ZNF331: variants seen among roughly 807,000 people sequenced by gnomAD.
The protein encoded by ZNF331 is zinc finger protein 331, also known as C2H2-like zinc finger protein rearranged in thyroid adenomas.
In ZNF331, 2 loss-of-function variants were observed where a neutral mutation model predicts 7.0. That is an observed-to-expected ratio of 0.29 (90% CI 0.12 to 0.90). The LOEUF (loss-of-function observed/expected upper bound fraction) is 0.90. Among genes scored for constraint, ZNF331 ranks in the 40% least tolerant of loss-of-function variants. The pLI, the probability that ZNF331 is intolerant of heterozygous loss-of-function variation, is 0.58. For missense variants in ZNF331, 432 were observed against 587.7 expected, an observed-to-expected ratio of 0.74 and a Z score of 2.74; for synonymous variants, 196 against 205.4, an observed-to-expected ratio of 0.95 and a Z score of 0.39.
intron 3 of ZNF331, among the ~76,000 whole-genome samples, chr19:53,563,131 A>C (rs1196678323): frequency 2.6e-5 from 3 of 115,530 alleles, no homozygotes; most frequent in African/African-American, 1.1e-4. Flanking sequence ...TATGTCATCC[A>C]GGCTGGAGTG....
At chr19:53,514,390 G>A in the ZNF331 span, among the ~76,000 whole-genome samples, 2 of 151,672 alleles carry the variant, frequency 1.3e-5, no homozygotes, top group African/African-American at 2.4e-5. Context: ...TAGTAGAGAC[G>A]GGGTTTCACC....
rs1241624988 is a variant in ZNF331, at chr19:53,539,521, A to G, written c.-138+239A>G. 1 of 152,190 alleles carries G rather than the reference A, an allele frequency of 6.6e-6. No individual in the cohort carries two copies. The highest frequency in any genetic ancestry group is 1.5e-5 in the Non-Finnish European group (1 of 68,030). 9.4% of individuals were successfully genotyped at this position (152,190 alleles called of 1,614,324 possible). On this transcript the variant is annotated intron_variant, in intron 2 of 5. Transcript: ENST00000449416. The surrounding 1 kb of genome is among the most constrained non-coding windows in gnomAD (Gnocchi z 6.1). ...TTTTGTGCTAAGTCTGGATGTCTGT[A>G]CATCAGGAGCAACGTACATATGAAG...
chr19:53,540,711 C>A (rs1322208392), intron 2 of ZNF331, among the ~76,000 whole-genome samples: 1 of 151,964 alleles, frequency 6.6e-6, no homozygotes, highest in Non-Finnish European at 1.5e-5. Context: ...TGCGGGATTA[C>A]AGGTGTGAGC....
chr19:53,552,154 G>A (rs2089052532), intron 2 of ZNF331, among the ~76,000 whole-genome samples: 1 of 152,076 alleles, frequency 6.6e-6, no homozygotes, highest in African/African-American at 2.4e-5. Context: ...TATAACACAT[G>A]GAACACATGA....
At chr19:53,518,491 C>T (rs12984958), upstream of ZNF331, among the ~76,000 whole-genome samples, 2 of 151,980 alleles carry the variant, frequency 1.3e-5, no homozygotes, top group African/African-American at 2.4e-5. Flanking sequence ...AGACATATAT[C>T]CTATTAGTTC....
Position 53,539,927 on chromosome 19 carries a change from C to T in ZNF331, c.-138+645C>T, listed in dbSNP as rs1017233405. On this transcript the variant is annotated intron_variant, in intron 2 of 5. Coordinates refer to ENST00000449416, the MANE Select transcript of ZNF331 (RefSeq NM_001079906.2). The surrounding 1 kb of genome is among the most constrained non-coding windows in gnomAD (Gnocchi z 6.1). ...TACAAAGAAGTAAGTTTAGTTATAACCGTAAGAAAGAAAAATGCACCTGAC... is the reference window on the plus strand; with the variant it reads ...TACAAAGAAGTAAGTTTAGTTATAATCGTAAGAAAGAAAAATGCACCTGAC... 6.6e-6 allele frequency among the ~76,000 whole-genome samples: 1 copy of T among 152,064 alleles called. No individual in the cohort carries two copies. Among genetic ancestry groups the T allele is most frequent in the African/African-American group, 2.4e-5 (1 of 41,388 alleles).
chr19:53,548,080 C>A (rs1161638084), intron 2 of ZNF331, among the ~76,000 whole-genome samples: 1 of 152,006 alleles, frequency 6.6e-6, no homozygotes, highest in African/African-American at 2.4e-5. Flanking sequence ...CAGGCACATG[C>A]CATCATGCCC....
At chr19:53,531,293 C>T (rs1001993710) in intron 2 of ZNF331, among the ~76,000 whole-genome samples, 3 of 152,150 alleles carry the variant, frequency 2.0e-5, no homozygotes, top group Admixed American at 6.5e-5. Context: ...CAACTTATCC[C>T]GGTCATCCTT....
upstream of ZNF331, among the ~76,000 whole-genome samples, chr19:53,514,685 C>CTCTG (rs375128658): frequency 1.5e-5 from 2 of 135,180 alleles, no homozygotes; most frequent in Non-Finnish European, 1.6e-5. Context: ...GAGTTTCACA[C>CTCTG]TGTCGCCCAG....
chr19:53,559,523 CAT>C (rs571059401), intron 3 of ZNF331, among the ~76,000 whole-genome samples: 41 of 150,476 alleles, frequency 2.7e-4, no homozygotes, highest in Non-Finnish European at 4.7e-4. Context: ...TATATACACA[CAT>C]ATACACACAC....
intron 2 of ZNF331, among the ~76,000 whole-genome samples, chr19:53,529,292 C>T (rs1317648942): frequency 1.3e-5 from 2 of 151,640 alleles, no homozygotes; most frequent in Admixed American, 6.6e-5. Flanking sequence ...CGCAGCTACT[C>T]AGGAGGCTGA....
intron 2 of ZNF331, among the ~76,000 whole-genome samples, chr19:53,530,391 G>C (rs1414331215): frequency 1.3e-5 from 2 of 151,958 alleles, no homozygotes; most frequent in East Asian, 3.9e-4. Flanking sequence ...GGGGATGACA[G>C]TTCAACTGGA....
upstream of ZNF331, among the ~76,000 whole-genome samples, chr19:53,534,948 T>G (rs1425455573): frequency 6.7e-6 from 1 of 148,470 alleles, no homozygotes; most frequent in African/African-American, 2.5e-5. Flanking sequence ...TTTTCCTTAC[T>G]AATCTTTTTT....
In ZNF331 at chr19:53,539,826, G is replaced by A. The variant is rs1457997994; in HGVS notation, c.-138+544G>A. ...TCTACAATCGAAGGCTGTGTACCTTGACCACAATTATTGTTCAGGATGGTG... is the reference window on the plus strand; with the variant it reads ...TCTACAATCGAAGGCTGTGTACCTTAACCACAATTATTGTTCAGGATGGTG... On this transcript the variant is annotated intron_variant, in intron 2 of 5. Coordinates refer to ENST00000449416, the MANE Select transcript of ZNF331 (RefSeq NM_001079906.2). The surrounding 1 kb of genome is among the most constrained non-coding windows in gnomAD (Gnocchi z 6.1). Among the ~76,000 whole-genome samples, 8 of 152,164 alleles carry A rather than the reference G, an allele frequency of 5.3e-5. No homozygotes were observed. Among genetic ancestry groups the A allele is most frequent in the African/African-American group, 1.7e-4 (7 of 41,450 alleles).
chr19:53,570,854 TTTTCTTTTC>T (rs2090409246), intron 4 of ZNF331, among the ~76,000 whole-genome samples: 2 of 145,984 alleles, frequency 1.4e-5, no homozygotes, highest in Non-Finnish European at 3.0e-5. Context: ...TTTTCTTTTC[TTTTCTTTTC>T]TTTTTTTTTT....
rs761384013 is a variant in ZNF331 at position 53,571,534 on chromosome 19, G to T, written c.10-70G>T. On this transcript the variant is annotated intron_variant, in intron 4 of 5. Transcript: ENST00000449416. This position sits in a 1 kb window ranked among gnomAD's most constrained non-coding sequence, Gnocchi z 4.7. Reference sequence around the variant, plus strand: ...CGGTGTTCACCCTACCCAGAGGGTGGCCTCCTGTCTCCTTCATCTGGAAGC... The same window carrying T: ...CGGTGTTCACCCTACCCAGAGGGTGTCCTCCTGTCTCCTTCATCTGGAAGC... 88 of 1,584,332 alleles carry T rather than the reference G, an allele frequency of 5.6e-5. No individual in the cohort carries two copies. The highest frequency in any genetic ancestry group is 7.6e-5 in the Non-Finnish European group (88 of 1,165,436).
upstream of ZNF331, among the ~76,000 whole-genome samples, chr19:53,536,994 T>C (rs569957922): frequency 6.6e-6 from 1 of 152,316 alleles, no homozygotes; most frequent in Admixed American, 6.5e-5. Flanking sequence ...CTGGTTGTGG[T>C]ATTATATACT....
intron 2 of ZNF331, among the ~76,000 whole-genome samples, chr19:53,546,583 C>T (rs751158014): frequency 6.6e-5 from 10 of 150,928 alleles, no homozygotes; most frequent in Non-Finnish European, 4.4e-5. Context: ...TTCATGTTAG[C>T]GCGCTTTATT....
chr19:53,569,009 A>G (rs2090309030), intron 3 of ZNF331, among the ~76,000 whole-genome samples: 1 of 152,008 alleles, frequency 6.6e-6, no homozygotes, highest in South Asian at 2.1e-4. Context: ...GGCACGTGCC[A>G]CCACATCCGG....
Sources: gnomAD v4.1 joint callset for allele counts (sites outside exome capture counted in the v4.1 genomes callset) on GRCh38, gnomAD v4.1.1 for gene constraint, Gnocchi (gnomAD v3.1) non-coding constraint, MANE v1.5 for transcripts, NCBI Gene and HGNC (gene_info 2026-07-23, HGNC 2026-07-21) for gene names.